Variants in DYNC2H1 observed in about 807,000 individuals in gnomAD.
The protein encoded by DYNC2H1 is cytoplasmic dynein 2 heavy chain 1.
Under a neutral mutation model 570.0 loss-of-function variants are expected in DYNC2H1, and 410 were observed. The ratio of observed to expected loss-of-function variants is 0.72; its 90% CI spans 0.66 to 0.78. The LOEUF is 0.78. DYNC2H1 is among the 30% of genes least tolerant of loss of function. The pLI is 0.00. For synonymous variants in DYNC2H1, 1,688 were observed against 1,677.6 expected (o/e 1.01, Z -0.15); for missense variants, 4,865 against 5,046.4 (o/e 0.96, Z 1.09).
Position 103,165,982 on chromosome 11 carries a change from CA to C in DYNC2H1, c.4698del (p.Gln1566HisfsTer3), listed in dbSNP as rs1565359085. ...KDHSLHQIET[Q>X]LVNKLEQYTN... ...TCATAGTCTTCATCAGATTGAAACA[CA>C]ACTGGTGAATAAGTTAGAGCAATAT... is the stretch of plus-strand genomic sequence containing the variant. On this transcript the variant is annotated frameshift_variant, in exon 31 of 89. Coordinates refer to ENST00000375735, the MANE Select transcript of DYNC2H1 (RefSeq NM_001377.3). LOFTEE classifies it high-confidence loss of function. 10 of 1,531,466 alleles carry C rather than the reference CA, an allele frequency of 6.5e-6. No homozygotes were observed. The highest frequency in any genetic ancestry group is 8.8e-6 in the Non-Finnish European group (10 of 1,137,834). 94.9% of individuals were successfully genotyped at this position (1,531,466 alleles called of 1,614,324 possible).
At chr11:103,392,038 A>G (rs1004632236) in intron 83 of DYNC2H1, among the ~76,000 whole-genome samples, 2 of 152,196 alleles carry the variant, frequency 1.3e-5, no homozygotes, top group Non-Finnish European at 2.9e-5. Context: ...AGACAGGGAC[A>G]TTTAAGTCCG....
intron 84 of DYNC2H1, among the ~76,000 whole-genome samples, chr11:103,400,375 T>G (rs1410697675): frequency 6.6e-6 from 1 of 152,136 alleles, no homozygotes; most frequent in Admixed American, 6.5e-5. Flanking sequence ...GAGCTGGGGA[T>G]GGATTTATCT....
intron 40 of DYNC2H1, 37 bp from the exon 41 acceptor site, chr11:103,184,859 C>T (rs1352216697): frequency 6.2e-7 from 1 of 1,606,326 alleles, no homozygotes. Flanking sequence ...TTAATAGTTG[C>T]CTTTTGTCTG....
chr11:103,236,293 G>C (rs907416612), intron 62 of DYNC2H1, 137 bp from the exon 63 acceptor site: 1 of 593,980 alleles, frequency 1.7e-6, no homozygotes, highest in Admixed American at 3.2e-5. Context: ...CCGTGGGTTT[G>C]GGTGTTAAAT....
intron 83 of DYNC2H1, among the ~76,000 whole-genome samples, chr11:103,374,963 G>A (rs1403535114): frequency 6.6e-6 from 1 of 152,230 alleles, no homozygotes; most frequent in Non-Finnish European, 1.5e-5. Flanking sequence ...GCATGTCAGA[G>A]AGACCTTCAT....
rs1057096833 is a variant in DYNC2H1, at chr11:103,157,892, C to T, written c.4128-785C>T. Among the ~76,000 whole-genome samples, 3 of 152,128 alleles carry T rather than the reference C, an allele frequency of 2.0e-5. No individual in the cohort carries two copies. The highest frequency in any genetic ancestry group is 1.3e-4 in the Admixed American group (2 of 15,274). ...TTAGTGACTCTAGCTTTTAGTTTCT[C>T]GGTCATACCTATCTTCTTCCCAGAA... On this transcript the variant is annotated intron_variant, in intron 26 of 88. Transcript: ENST00000375735. The surrounding 1 kb of genome is among the most constrained non-coding windows in gnomAD (Gnocchi z 4.2).
At chr11:103,450,739 G>A (rs1201427869) in intron 85 of DYNC2H1, among the ~76,000 whole-genome samples, 2 of 152,102 alleles carry the variant, frequency 1.3e-5, no homozygotes, top group Non-Finnish European at 2.9e-5. Flanking sequence ...AAGGAACACA[G>A]TGCATTAAAA....
intron 83 of DYNC2H1, among the ~76,000 whole-genome samples, chr11:103,364,808 G>A (rs1311462438): frequency 6.6e-6 from 1 of 152,118 alleles, no homozygotes; most frequent in African/African-American, 2.4e-5. Context: ...CACAGAGCCA[G>A]CTGTGAGAGG....
At chr11:103,193,700 C>T (rs145765163) in intron 47 of DYNC2H1, among the ~76,000 whole-genome samples, 5 of 151,858 alleles carry the variant, frequency 3.3e-5, no homozygotes, top group Non-Finnish European at 7.4e-5. Context: ...TGTGCCACCA[C>T]GCCCGACTAA....
chr11:103,206,423 GA>G (rs1407394259), intron 52 of DYNC2H1, among the ~76,000 whole-genome samples: 3 of 152,002 alleles, frequency 2.0e-5, no homozygotes, highest in East Asian at 1.9e-4. Context: ...CAGGCATACA[GA>G]AAAAAATTTG....
At position 103,133,561 on chromosome 11, in the gene DYNC2H1, A is replaced by G; in HGVS notation, c.1960A>G (p.Lys654Glu). 6.2e-7 allele frequency: 1 copy of G among 1,605,768 alleles called. No individual in the cohort carries two copies. The highest frequency in any genetic ancestry group is 8.5e-7 in the Non-Finnish European group (1 of 1,178,030). ...LAFEQIIKNS[K>E]AGSGGKSQIT... ...GTTATTTATTGTACCATAGAATTCA[A>G]AAGCAGGAAGTGGAGGGAAATCACA... The change falls in exon 14 of 89, where the codon AAA becomes GAA. Residue 654 changes from lysine (K) to glutamate (E), a missense_variant. Lys to Glu is a moderately conservative substitution (Grantham distance 56). This residue lies in a region of DYNC2H1 where 1,936 missense variants were observed against 1,962.1 expected (regional missense o/e 0.99). Transcript: ENST00000375735. The surrounding 1 kb of genome is among the most constrained non-coding windows in gnomAD (Gnocchi z 4.8).
At position 103,120,522 on chromosome 11, in the gene DYNC2H1, A is replaced by G; in HGVS notation, c.1075A>G (p.Thr359Ala). 2 of 1,613,160 alleles carry G rather than the reference A, an allele frequency of 1.2e-6. No individual in the cohort carries two copies. Among genetic ancestry groups the G allele is most frequent in the South Asian group, 1.1e-5 (1 of 90,992 alleles). ...PASEEKIICL[T>A]RVFEPFTGLN... is the part of the protein sequence containing the mutation. ...CAGTGAAGAGAAAATCATATGCCTC[A>G]CTCGAGTATTTGAACCTTTTACTGG... The change falls in exon 7 of 89, where the codon ACT becomes GCT. Residue 359 changes from threonine (T) to alanine (A), a missense_variant. Coordinates refer to ENST00000375735, the MANE Select transcript of DYNC2H1 (RefSeq NM_001377.3).
chr11:103,184,447 A>T (rs574271817), intron 40 of DYNC2H1, among the ~76,000 whole-genome samples: 1 of 151,900 alleles, frequency 6.6e-6, no homozygotes, highest in Non-Finnish European at 1.5e-5. Context: ...CAGAAGTTTC[A>T]TTTAAAAATT....
At chr11:103,341,856 G>A (rs191806676) in intron 82 of DYNC2H1, among the ~76,000 whole-genome samples, 1 of 152,266 alleles carries the variant, frequency 6.6e-6, no homozygotes, top group African/African-American at 2.4e-5. Context: ...AATAAGCTCT[G>A]CAGTATAACC....
intron 52 of DYNC2H1, among the ~76,000 whole-genome samples, chr11:103,208,133 G>T (rs953603432): frequency 6.6e-6 from 1 of 152,132 alleles, no homozygotes; most frequent in Non-Finnish European, 1.5e-5. Flanking sequence ...ATTTGACTGT[G>T]TAGGTGAGTG....
intron 40 of DYNC2H1, among the ~76,000 whole-genome samples, chr11:103,182,949 G>A (rs682837): frequency 0.94 from 143,172 of 151,882 alleles, 67,553 homozygotes; most frequent in African/African-American, 0.98. Context: ...CAAGTGAGGT[G>A]GGTTTTCCTG....
chr11:103,264,164 G>A lies in DYNC2H1; in HGVS notation c.10695+4187G>A, dbSNP rs924383310. On this transcript the variant is annotated intron_variant, in intron 70 of 88. Coordinates refer to ENST00000375735, the MANE Select transcript of DYNC2H1 (RefSeq NM_001377.3). This position sits in a 1 kb window ranked among gnomAD's most constrained non-coding sequence, Gnocchi z 4.8. The stretch of plus-strand genomic sequence containing the variant: ...CCCAAGACTAAACCAGGAAGAAGTC[G>A]AATCCCTGAATAGACCAATAACAAG... 9.9e-5 allele frequency among the ~76,000 whole-genome samples: 15 copies of A among 152,148 alleles called. No homozygotes were observed. In the South Asian group the frequency reaches 2.5e-3, roughly 25 times the overall value.
intron 83 of DYNC2H1, among the ~76,000 whole-genome samples, chr11:103,362,156 T>G (rs1940674201): frequency 6.6e-6 from 1 of 151,926 alleles, no homozygotes; most frequent in Non-Finnish European, 1.5e-5. Flanking sequence ...AAGTATTAGG[T>G]TGGTTTTAGG....
chr11:103,143,211 T>C lies in DYNC2H1; in HGVS notation c.2575-57T>C. The C allele has an allele frequency of 7.1e-6, 11 of 1,559,232 alleles. No homozygotes were observed. In the South Asian group the frequency reaches 1.3e-4, roughly 18 times the overall value. On this transcript the variant is annotated intron_variant, in intron 17 of 88. Coordinates refer to ENST00000375735, the MANE Select transcript of DYNC2H1 (RefSeq NM_001377.3). Reference sequence around the variant, plus strand: ...TTAATAGTTGAATCCTATTCTATTATATGTTAACATATTGGTTCTGTGTCT... The same window carrying C: ...TTAATAGTTGAATCCTATTCTATTACATGTTAACATATTGGTTCTGTGTCT...
Sources: allele counts gnomAD v4.1 joint callset (sites outside exome capture counted in the v4.1 genomes callset), GRCh38; gene constraint gnomAD v4.1.1; regional missense constraint gnomAD v4.1.1; non-coding constraint Gnocchi (gnomAD v3.1); transcripts MANE v1.5; gene names NCBI Gene and HGNC (gene_info 2026-07-23, HGNC 2026-07-21).